The following GRHL1 variants were observed in gnomAD, a reference collection of about 807,000 sequenced individuals.
GRHL1 encodes grainyhead-like protein 1 homolog.
In GRHL1, 38 loss-of-function variants were observed where a neutral mutation model predicts 75.7. The ratio of observed to expected loss-of-function variants is 0.50; its 90% CI spans 0.39 to 0.66. GRHL1 has a LOEUF of 0.66. GRHL1 is among the 30% of genes least tolerant of loss of function. The pLI, the probability that GRHL1 is intolerant of heterozygous loss-of-function variation, is 0.00. For missense variants in GRHL1, 589 were observed against 767.5 expected (o/e 0.77, Z 2.75); for synonymous variants, 266 against 279.4 (o/e 0.95, Z 0.48).
In GRHL1 at chr2:9,951,732, T is replaced by C. The variant is rs1051770129; in HGVS notation, c.-102T>C. ...AAACCCAACCCGTCGGGGCCGCCGC[T>C]CCGGACCCGCAGCCGCCGCCGCCGC... On this transcript the variant is annotated 5_prime_UTR_variant, in exon 1 of 16. Coordinates refer to ENST00000324907, the MANE Select transcript of GRHL1 (RefSeq NM_198182.3). This position sits in a 1 kb window ranked among gnomAD's most constrained non-coding sequence, Gnocchi z 4.2. 4.4e-6 allele frequency: 5 copies of C among 1,138,538 alleles called. No individual in the cohort carries two copies. The highest frequency in any genetic ancestry group is 1.7e-5 in the African/African-American group (1 of 60,164). The allele number at this position is 1,138,538 out of a possible 1,614,324, so 70.5% of individuals were successfully genotyped here.
At chr2:9,960,724 C>T (rs1667235708) in intron 3 of GRHL1, 1 of 228,906 alleles carries the variant, frequency 4.4e-6, no homozygotes, top group South Asian at 1.0e-4. Flanking sequence ...GCTGTAACCC[C>T]AGTTGATCAG....
At chr2:9,961,996 A>G (rs1250450137) in intron 4 of GRHL1, among the ~76,000 whole-genome samples, 2 of 152,278 alleles carry the variant, frequency 1.3e-5, no homozygotes, top group East Asian at 3.9e-4. Context: ...TGGGGTAAAG[A>G]GCATCCATCT....
rs1220395972 is a variant in GRHL1 at position 9,990,780 on chromosome 2, G to A, written c.1321+33G>A. On this transcript the variant is annotated intron_variant, in intron 10 of 15. Coordinates refer to ENST00000324907, the MANE Select transcript of GRHL1 (RefSeq NM_198182.3). The surrounding 1 kb of genome is among the most constrained non-coding windows in gnomAD (Gnocchi z 4.2). ...TCCTGACCCCAGCTCCCAGGTGAAT[G>A]CCTGTAAGTAGAAATGTTCCCGGCA... 1 of 1,569,446 alleles carries A rather than the reference G, an allele frequency of 6.4e-7. No individual in the cohort carries two copies. The highest frequency in any genetic ancestry group is 1.8e-5 in the Admixed American group (1 of 56,282).
intron 1 of GRHL1, among the ~76,000 whole-genome samples, chr2:9,954,610 G>C (rs1165413081): frequency 1.3e-5 from 2 of 152,090 alleles, no homozygotes; most frequent in Non-Finnish European, 2.9e-5. Context: ...TTTATGGAAA[G>C]TATTTGAATA....
chr2:9,994,310 AATTATTATTATTATTATTATT>A lies in GRHL1; in HGVS notation c.1499+1088_1499+1108del, dbSNP rs70948860. Among the ~76,000 whole-genome samples, 43 of 139,182 alleles carry A rather than the reference AATTATTATTATTATTATTATT, an allele frequency of 3.1e-4. 1 individual carries two copies. The highest frequency in any genetic ancestry group is 2.9e-4 in the African/African-American group (11 of 37,574). The allele number at this position is 139,182 out of a possible 152,430, so 91.3% of individuals were successfully genotyped here. ...CAGGCACATGCCACCACACCCATCT[AATTATTATTATTATTATTATT>A]ATTATTATTATTATTATTATTGTAG... On this transcript the variant is annotated intron_variant, in intron 12 of 15. Transcript: ENST00000324907.
At chr2:9,998,902 T>TA in intron 14 of GRHL1, 63 bp from the exon 15 acceptor site, 1 of 453,328 alleles carries the variant, frequency 2.2e-6, no homozygotes, top group Non-Finnish European at 3.9e-6. Context: ...ATATATATAT[T>TA]TGTTGTTTGG....
rs752492727 is a variant in GRHL1 at position 9,964,267 on chromosome 2, A to G, written c.936A>G (p.Lys312=). The G allele has an allele frequency of 3.1e-6, 5 of 1,612,274 alleles. No individual in the cohort carries two copies. The East Asian group carries it at 1.1e-4, about 36-fold the overall frequency. ...TCATGGTGGTTTTTGCTGAAGACAA[A>G]AGCAGAGAAGATCAGTTAAGGCATT... ...SVIMVVFAED[K]SREDQLRHWK... Residue 312 remains lysine, a synonymous_variant, in exon 7 of 16, where the codon AAA becomes AAG. Coordinates refer to ENST00000324907, the MANE Select transcript of GRHL1 (RefSeq NM_198182.3).
At chr2:9,976,205 G>T (rs778842527) in intron 8 of GRHL1, among the ~76,000 whole-genome samples, 2 of 152,146 alleles carry the variant, frequency 1.3e-5, no homozygotes, top group African/African-American at 4.8e-5. Flanking sequence ...CTCAGTGGGA[G>T]GATTGCACTC....
In GRHL1 at chr2:10,000,600, G is replaced by A. The variant is rs1010912643; in HGVS notation, c.1750G>A (p.Val584Met). ...IFKKCKKGIL[V>M]NMDDNIVKHY... ...TTGTCCCCCCCCATCCAGGATCCTG[G>A]TGAACATGGACGACAACATTGTGAA... The change falls in exon 16 of 16, where the codon GTG becomes ATG. Residue 584 changes from valine to methionine, a missense_variant. Val to Met is a conservative substitution (Grantham distance 21). This residue lies in a region of GRHL1 where 192 missense variants were observed against 226.6 expected (regional missense o/e 0.85). Transcript: ENST00000324907. The A allele has an allele frequency of 1.2e-6, 2 of 1,607,002 alleles. No individual in the cohort carries two copies. The highest frequency in any genetic ancestry group is 8.5e-7 in the Non-Finnish European group (1 of 1,173,878).
intron 3 of GRHL1, chr2:9,959,100 G>T: frequency 3.0e-6 from 1 of 337,498 alleles, no homozygotes; most frequent in Non-Finnish European, 5.4e-6. Context: ...TCCTCCAAAG[G>T]GATAGTTTTA....
Position 10,000,786 on chromosome 2 carries a change from C to T in GRHL1, c.*79C>T, listed in dbSNP as rs1209538354. The T allele has an allele frequency of 3.9e-6, 3 of 774,974 alleles. No homozygotes were observed. Among genetic ancestry groups the T allele is most frequent in the Non-Finnish European group, 6.8e-6 (3 of 441,808 alleles). 48.0% of individuals were successfully genotyped at this position (774,974 alleles called of 1,614,324 possible). A position where few individuals can be genotyped will look rare whatever the true frequency, so the allele number is the denominator to read the frequency against. ...ACGGTTTGGCAACTGCAGGTAACCC[C>T]AGTCAGCCATGTCGCCAGCACAGGT... On this transcript the variant is annotated 3_prime_UTR_variant, in exon 16 of 16. Coordinates refer to ENST00000324907, the MANE Select transcript of GRHL1 (RefSeq NM_198182.3).
At chr2:9,982,348 G>T (rs1356207395) in intron 8 of GRHL1, among the ~76,000 whole-genome samples, 1 of 152,138 alleles carries the variant, frequency 6.6e-6, no homozygotes, top group African/African-American at 2.4e-5. Flanking sequence ...TTACCGCAGT[G>T]GTTTCTATCT....
chr2:9,956,773 A>G (rs1572331249), intron 2 of GRHL1, among the ~76,000 whole-genome samples: 1 of 152,172 alleles, frequency 6.6e-6, no homozygotes, highest in East Asian at 1.9e-4. Context: ...TTCCTAAAAC[A>G]TTAATTATGA....
chr2:9,993,173 A>G lies in GRHL1; in HGVS notation c.1462-34A>G, dbSNP rs774859681. ...ATTTATGGCCAAACATTTTGAGCAT[A>G]CATTTGAAAAGCAATCTATTCCTTT... On this transcript the variant is annotated intron_variant, in intron 11 of 15. Coordinates refer to ENST00000324907, the MANE Select transcript of GRHL1 (RefSeq NM_198182.3). 5.3e-6 allele frequency: 8 copies of G among 1,505,868 alleles called. No homozygotes were observed. In the South Asian group the frequency reaches 9.0e-5, roughly 17 times the overall value. The allele number at this position is 1,505,868 out of a possible 1,614,324, so 93.3% of individuals were successfully genotyped here. A position where few individuals can be genotyped will look rare whatever the true frequency, so the allele number is the denominator to read the frequency against.
intron 1 of GRHL1, chr2:9,953,174 A>G: frequency 4.7e-6 from 2 of 426,110 alleles, no homozygotes; most frequent in Non-Finnish European, 9.5e-6. Flanking sequence ...GATTCCAAAC[A>G]TAAAGCCATT....
intron 8 of GRHL1, among the ~76,000 whole-genome samples, chr2:9,974,422 C>G (rs942428994): frequency 1.3e-5 from 2 of 152,102 alleles, no homozygotes; most frequent in Admixed American, 6.5e-5. Context: ...TTACTTTTTT[C>G]TTTTCTTCCT....
chr2:9,961,230 C>CT lies in GRHL1; in HGVS notation c.463_464insT (p.His155LeufsTer24). 6.2e-7 allele frequency: 1 copy of CT among 1,614,044 alleles called. No homozygotes were observed. The highest frequency in any genetic ancestry group is 8.5e-7 in the Non-Finnish European group (1 of 1,179,914). On this transcript the variant is annotated frameshift_variant, in exon 4 of 16. Coordinates refer to ENST00000324907, the MANE Select transcript of GRHL1 (RefSeq NM_198182.3). LOFTEE classifies it high-confidence loss of function. ...TGTCTCCATAGCAACGATGCCTACC[C>CT]ACTCCATCAAGACAGAAACCCAGCC...
intron 4 of GRHL1, among the ~76,000 whole-genome samples, chr2:9,961,813 T>C (rs972898656): frequency 2.0e-5 from 3 of 152,150 alleles, no homozygotes; most frequent in Admixed American, 2.0e-4. Context: ...AATGAGTTAT[T>C]ATATCTTTGC....
chr2:9,993,110 G>T, intron 11 of GRHL1, 97 bp from the exon 12 acceptor site: 1 of 914,752 alleles, frequency 1.1e-6, no homozygotes, highest in Non-Finnish European at 1.8e-6. Flanking sequence ...ATATTAGATT[G>T]GTGAAATTCA....
Sources: allele counts gnomAD v4.1 joint callset (sites outside exome capture counted in the v4.1 genomes callset), GRCh38; gene constraint gnomAD v4.1.1; regional missense constraint gnomAD v4.1.1; non-coding constraint Gnocchi (gnomAD v3.1); transcripts MANE v1.5; gene names NCBI Gene and HGNC (gene_info 2026-07-23, HGNC 2026-07-21).